Variants in SNX13 observed in about 807,000 individuals in gnomAD.
SNX13 encodes sorting nexin-13.
A neutral mutation model predicts 133.6 loss-of-function variants in SNX13; 45 were observed. The observed-to-expected ratio is 0.34, with a 90% CI of 0.27 to 0.43. The LOEUF (loss-of-function observed/expected upper bound fraction) is 0.43. Among genes scored for constraint, SNX13 ranks in the 20% least tolerant of loss-of-function variants. SNX13 has a pLI of 1.00. For missense variants in SNX13, 1,032 were observed against 1,145.1 expected (o/e 0.90, Z 1.43); for synonymous variants, 414 against 373.9 (o/e 1.11, Z -1.24).
At chr7:17,859,579 T>A (rs1417065803) in intron 9 of SNX13, among the ~76,000 whole-genome samples, 1 of 152,144 alleles carries the variant, frequency 6.6e-6, no homozygotes, top group South Asian at 2.1e-4. Flanking sequence ...CAATTTAAGT[T>A]AACAGTGGTA....
intron 1 of SNX13, among the ~76,000 whole-genome samples, chr7:17,910,982 T>G (rs1053558714): frequency 6.6e-6 from 1 of 152,208 alleles, no homozygotes; most frequent in African/African-American, 2.4e-5. Context: ...TTGCATACCA[T>G]GGTGAATGAA....
chr7:17,819,880 A>G (rs1034730380), intron 18 of SNX13, among the ~76,000 whole-genome samples: 7 of 134,894 alleles, frequency 5.2e-5, no homozygotes, highest in African/African-American at 1.5e-4. Flanking sequence ...AAAGTTTATA[A>G]ACTTTATAAG....
intron 9 of SNX13, among the ~76,000 whole-genome samples, chr7:17,854,967 T>A (rs1791705259): frequency 6.6e-6 from 1 of 151,824 alleles, no homozygotes; most frequent in Non-Finnish European, 1.5e-5. Flanking sequence ...TAAACAATTA[T>A]CCAATATGAG....
At chr7:17,799,204 GAATTGTTACT>G in intron 22 of SNX13, 50 bp from the exon 23 acceptor site, 1 of 1,438,046 alleles carries the variant, frequency 7.0e-7, no homozygotes, top group Non-Finnish European at 9.3e-7. Flanking sequence ...TATCTACTAT[GAATTGTTACT>G]TTTGTTGCTT....
intron 8 of SNX13, among the ~76,000 whole-genome samples, chr7:17,870,800 A>G (rs1794006375): frequency 6.6e-6 from 1 of 152,230 alleles, no homozygotes; most frequent in African/African-American, 2.4e-5. Flanking sequence ...AGAAAGAGGT[A>G]TCAAATTAAC....
At chr7:17,835,172 T>G (rs1419192706) in intron 13 of SNX13, among the ~76,000 whole-genome samples, 1 of 151,922 alleles carries the variant, frequency 6.6e-6, no homozygotes, top group African/African-American at 2.4e-5. Context: ...TATATAAGGT[T>G]ATTTAGGATT....
intron 20 of SNX13, among the ~76,000 whole-genome samples, chr7:17,808,191 G>A (rs1222944192): frequency 3.3e-5 from 5 of 152,090 alleles, no homozygotes; most frequent in Non-Finnish European, 7.4e-5. Flanking sequence ...AACCCAATGC[G>A]AGGAAACTAA....
intron 5 of SNX13, chr7:17,879,782 G>T (rs1217578999): frequency 6.6e-6 from 1 of 152,192 alleles, no homozygotes; most frequent in Non-Finnish European, 1.5e-5. Context: ...AGATGCCTTT[G>T]ATTCTAACAA....
At chr7:17,891,740 G>T in intron 3 of SNX13, 105 bp from the exon 4 acceptor site, 1 of 674,238 alleles carries the variant, frequency 1.5e-6, no homozygotes, top group Non-Finnish European at 2.5e-6. Flanking sequence ...TTATCCTCAA[G>T]TAAATAAATA....
In SNX13 at chr7:17,893,866, G is replaced by A. The variant is rs182143768; in HGVS notation, c.126-432C>T. ...TTGCACCTGTAGTCCCAGCTACTTGGGAGGCTGAGGCAGGAGAATCGCTGG... is the reference window on the plus strand; with the variant it reads ...TTGCACCTGTAGTCCCAGCTACTTGAGAGGCTGAGGCAGGAGAATCGCTGG... On this transcript the variant is annotated intron_variant, in intron 2 of 25. Transcript: ENST00000428135. 2.0e-5 allele frequency among the ~76,000 whole-genome samples: 3 copies of A among 151,344 alleles called. 1 individual carries two copies. The highest frequency in any genetic ancestry group is 7.3e-5 in the African/African-American group (3 of 41,206).
intron 1 of SNX13, among the ~76,000 whole-genome samples, chr7:17,902,782 C>T (rs867341760): frequency 6.6e-6 from 1 of 152,164 alleles, no homozygotes; most frequent in Non-Finnish European, 1.5e-5. Flanking sequence ...AGGAACTGGG[C>T]CGCACAGCAG....
intron 1 of SNX13, among the ~76,000 whole-genome samples, chr7:17,919,859 G>C (rs977785190): frequency 6.6e-6 from 1 of 152,068 alleles, no homozygotes; most frequent in African/African-American, 2.4e-5. Context: ...GGCTGGACAG[G>C]GTAGCTCACA....
chr7:17,876,996 T>C (rs1010270568), intron 5 of SNX13, among the ~76,000 whole-genome samples: 14 of 108,030 alleles, frequency 1.3e-4, no homozygotes, highest in African/African-American at 3.3e-4. Flanking sequence ...TACCCACACA[T>C]ACAATAAAAA....
At chr7:17,821,482 G>GT in intron 18 of SNX13, 27 bp downstream of exon 18, 1 of 1,581,014 alleles carries the variant, frequency 6.3e-7, no homozygotes, top group Non-Finnish European at 8.6e-7. Context: ...ACAACATAAA[G>GT]TACACAAGTT....
chr7:17,852,301 A>G (rs1012587780), intron 9 of SNX13, among the ~76,000 whole-genome samples: 11 of 151,654 alleles, frequency 7.3e-5, no homozygotes, highest in African/African-American at 2.7e-4. Context: ...TGAGCCCAGG[A>G]GGCGGAGGTT....
rs1331509237 is a variant in SNX13, at chr7:17,834,774, T to C, written c.1451A>G (p.Asp484Gly). The change falls in exon 14 of 26, where the codon GAC (aspartate) becomes GGC (glycine). Residue 484 changes from aspartate to glycine, a missense_variant. Physicochemically the swap from Asp to Gly is moderately conservative, Grantham distance 94 (BLOSUM62 -1). Coordinates refer to ENST00000428135, the MANE Select transcript of SNX13 (RefSeq NM_015132.5). The stretch of plus-strand genomic sequence containing the variant: ...ACATAATAATACCTTTCTTTGAATG[T>C]CATCAAAGATTTCAGGGGTTGGATC... ...HEDPTPEIFD[D>G]IQRKVYELML... 2 of 1,597,742 alleles carry C rather than the reference T, an allele frequency of 1.3e-6. No homozygotes were observed. Among genetic ancestry groups the C allele is most frequent in the East Asian group, 2.2e-5 (1 of 44,584 alleles).
chr7:17,802,241 A>G (rs1444109584), intron 21 of SNX13, among the ~76,000 whole-genome samples: 1 of 152,056 alleles, frequency 6.6e-6, no homozygotes, highest in East Asian at 1.9e-4. Flanking sequence ...TGATGCTCCC[A>G]GATGATGAAA....
intron 5 of SNX13, among the ~76,000 whole-genome samples, chr7:17,876,101 A>G (rs1183782104): frequency 1.3e-5 from 2 of 152,276 alleles, no homozygotes; most frequent in African/African-American, 4.8e-5. Context: ...TGACAACAGT[A>G]TATCATGTAA....
rs1783604382 is a variant in SNX13, at chr7:17,792,103, C to T, written c.*1942G>A. ...TTCACATGTACACGTTAGGGTCTTA[C>T]ATGAATTATTCTGTATACTGTTAGA... On this transcript the variant is annotated 3_prime_UTR_variant, in exon 26 of 26. Coordinates refer to ENST00000428135, the MANE Select transcript of SNX13 (RefSeq NM_015132.5). 6.6e-6 allele frequency: 1 copy of T among 152,022 alleles called. No individual in the cohort carries two copies. Among genetic ancestry groups the T allele is most frequent in the African/African-American group, 2.4e-5 (1 of 41,420 alleles). 9.4% of individuals were successfully genotyped at this position (152,022 alleles called of 1,614,324 possible).
Sources: allele counts gnomAD v4.1 joint callset (sites outside exome capture counted in the v4.1 genomes callset), GRCh38; gene constraint gnomAD v4.1.1; transcripts MANE v1.5; gene names NCBI Gene and HGNC (gene_info 2026-07-23, HGNC 2026-07-21).